Variants in PCDH15 observed in about 807,000 individuals in gnomAD.
The protein encoded by PCDH15 is protocadherin-15.
In PCDH15, 129 loss-of-function variants were observed where a neutral mutation model predicts 178.5. That is an observed-to-expected ratio of 0.72 (90% CI 0.63 to 0.84). The LOEUF is 0.84. Among genes scored for constraint, PCDH15 ranks in the 40% least tolerant of loss-of-function variants. The pLI is 0.00. For synonymous variants in PCDH15, 800 were observed against 732.0 expected, an observed-to-expected ratio of 1.09 and a Z score of -1.50; for missense variants, 2,230 against 2,099.9, an observed-to-expected ratio of 1.06 and a Z score of -1.21.
At chr10:54,484,250 G>A (rs958741291) in intron 3 of PCDH15, among the ~76,000 whole-genome samples, 1 of 151,766 alleles carries the variant, frequency 6.6e-6, no homozygotes, top group African/African-American at 2.4e-5. Context: ...TTTGCAATTT[G>A]GCTGCTTGAC....
intron 2 of PCDH15, among the ~76,000 whole-genome samples, chr10:55,099,803 ATTATTT>A (rs1317020114): frequency 6.6e-6 from 1 of 152,106 alleles, no homozygotes; most frequent in Non-Finnish European, 1.5e-5. Flanking sequence ...ACAGATGACT[ATTATTT>A]TTAACTTTCT....
chr10:55,439,129 T>C (rs1012428238), intron 2 of PCDH15, among the ~76,000 whole-genome samples: 1 of 152,052 alleles, frequency 6.6e-6, no homozygotes, highest in Non-Finnish European at 1.5e-5. Flanking sequence ...GGTCTCGATC[T>C]CCTGACCTCG....
At chr10:54,501,297 T>C (rs1313222186) in intron 3 of PCDH15, among the ~76,000 whole-genome samples, 2 of 151,078 alleles carry the variant, frequency 1.3e-5, no homozygotes, top group African/African-American at 2.4e-5. Flanking sequence ...CACTTTCACG[T>C]TGGATATCCA....
chr10:53,989,186 T>C (rs1262132956), intron 21 of PCDH15, among the ~76,000 whole-genome samples: 1 of 152,190 alleles, frequency 6.6e-6, no homozygotes, highest in African/African-American at 2.4e-5. Context: ...GCTTTTAGTC[T>C]GTTTACCTGC....
intron 2 of PCDH15, among the ~76,000 whole-genome samples, chr10:55,527,953 A>T (rs1019463575): frequency 6.6e-6 from 1 of 152,048 alleles, no homozygotes; most frequent in African/African-American, 2.4e-5. Context: ...AGTTAATAAC[A>T]TTTTTTGTGG....
At chr10:55,297,919 C>G (rs1159864102) in intron 1 of PCDH15, among the ~76,000 whole-genome samples, 1 of 152,076 alleles carries the variant, frequency 6.6e-6, no homozygotes, top group Non-Finnish European at 1.5e-5. Context: ...ACTGGAGGAT[C>G]CTTTCCTGGT....
At chr10:53,955,577 G>C (rs1440674947) in intron 23 of PCDH15, among the ~76,000 whole-genome samples, 1 of 152,176 alleles carries the variant, frequency 6.6e-6, no homozygotes, top group Non-Finnish European at 1.5e-5. Context: ...TTCCTGAGAT[G>C]TAAAAGCCAT....
chr10:54,247,980 T>A (rs1056755839), intron 8 of PCDH15, among the ~76,000 whole-genome samples: 17 of 149,002 alleles, frequency 1.1e-4, no homozygotes, highest in Non-Finnish European at 2.2e-4. Flanking sequence ...TAAATGACAT[T>A]CTTAATATGT....
At chr10:54,283,837 G>A (rs1393397328) in intron 8 of PCDH15, among the ~76,000 whole-genome samples, 1 of 151,918 alleles carries the variant, frequency 6.6e-6, no homozygotes, top group Non-Finnish European at 1.5e-5. Context: ...GAGAAGACAT[G>A]ATTTTATTTA....
chr10:55,341,379 A>T (rs993385609), intron 2 of PCDH15, among the ~76,000 whole-genome samples: 2 of 152,066 alleles, frequency 1.3e-5, no homozygotes, highest in African/African-American at 4.8e-5. Context: ...GACAAATTGG[A>T]ATGTTATAAA....
chr10:55,151,071 C>T (rs558969621), intron 2 of PCDH15, among the ~76,000 whole-genome samples: 1 of 152,116 alleles, frequency 6.6e-6, no homozygotes, highest in East Asian at 1.9e-4. Context: ...AACAATGATA[C>T]AGATTCCATT....
chr10:55,296,565 A>C (rs939096492), intron 1 of PCDH15, among the ~76,000 whole-genome samples: 1 of 152,180 alleles, frequency 6.6e-6, no homozygotes, highest in African/African-American at 2.4e-5. Flanking sequence ...AGATTTTCCC[A>C]TTACTCCTAT....
chr10:55,166,124 C>A lies in PCDH15; in HGVS notation c.-80+452G>T, dbSNP rs138959164. 6.3e-3 allele frequency among the ~76,000 whole-genome samples: 962 copies of A among 152,168 alleles called. 15 individuals are homozygous for A. Among genetic ancestry groups the A allele is most frequent in the African/African-American group, 0.022 (925 of 41,530 alleles). ...TGATTTTCATCCTGAAAATGTCAAA[C>A]TTCTGCCTATAATACTCAGCTATGG... On this transcript the variant is annotated intron_variant, in intron 2 of 5. Coordinates refer to the PCDH15 transcript ENST00000458638.
At chr10:54,545,051 C>G (rs144770163) in intron 2 of PCDH15, among the ~76,000 whole-genome samples, 10 of 152,150 alleles carry the variant, frequency 6.6e-5, no homozygotes, top group African/African-American at 2.4e-4. Flanking sequence ...GAACTTGACA[C>G]TAAGGGAAAG....
chr10:54,236,137 G>A (rs7897570), intron 9 of PCDH15, among the ~76,000 whole-genome samples: 86,438 of 151,962 alleles, frequency 0.57, 27,464 homozygotes, highest in Middle Eastern at 0.72. Context: ...TCCCTTAAAA[G>A]ATATATAGCC....
At chr10:55,214,745 G>A (rs1840658237) in intron 1 of PCDH15, among the ~76,000 whole-genome samples, 1 of 151,934 alleles carries the variant, frequency 6.6e-6, no homozygotes, top group African/African-American at 2.4e-5. Context: ...CAGAGTAGCT[G>A]GGACCAAAGG....
chr10:54,519,817 G>A (rs1405018239), intron 3 of PCDH15, among the ~76,000 whole-genome samples: 2 of 152,024 alleles, frequency 1.3e-5, no homozygotes, highest in East Asian at 1.9e-4. Flanking sequence ...AAACTATGCT[G>A]CAAGGCTACA....
chr10:54,655,941 C>G (rs2094396893), intron 2 of PCDH15: 1 of 152,080 alleles, frequency 6.6e-6, no homozygotes, highest in East Asian at 1.9e-4. Flanking sequence ...TCTTGTCATC[C>G]CTTTCTAAAT....
intron 18 of PCDH15, among the ~76,000 whole-genome samples, chr10:54,023,503 T>C (rs2092991101): frequency 6.7e-6 from 1 of 149,316 alleles, no homozygotes; most frequent in African/African-American, 2.4e-5. Flanking sequence ...GGTTTTGAAT[T>C]CTAAAGTGAG....
Sources: gnomAD v4.1 joint callset for allele counts (sites outside exome capture counted in the v4.1 genomes callset) on GRCh38, gnomAD v4.1.1 for gene constraint, MANE v1.5 for transcripts, NCBI Gene and HGNC (gene_info 2026-07-23, HGNC 2026-07-21) for gene names.